Variants in PXDNL observed in about 807,000 individuals in gnomAD.
The protein encoded by PXDNL is peroxidasin like.
A neutral mutation model predicts 150.8 loss-of-function variants in PXDNL; 145 were observed. That is an observed-to-expected ratio of 0.96 (90% CI 0.84 to 1.10). The LOEUF (loss-of-function observed/expected upper bound fraction) is 1.10, where lower values mean the gene tolerates loss of function less well. Ranked by LOEUF, PXDNL falls within the 50% of genes least tolerant of loss-of-function variation. The probability of loss-of-function intolerance (pLI) is 0.00; values close to 1 mark genes in which losing one functional copy is unlikely to be tolerated. For missense variants in PXDNL, 2,087 were observed against 1,873.9 expected, an observed-to-expected ratio of 1.11 and a Z score of -2.10; for synonymous variants, 757 against 725.7, an observed-to-expected ratio of 1.04 and a Z score of -0.69.
At position 51,665,229 on chromosome 8, in the gene PXDNL, A is replaced by G. The variant is rs149354256; in HGVS notation, c.165-10469T>C. 2.0e-5 allele frequency among the ~76,000 whole-genome samples: 3 copies of G among 152,294 alleles called. No homozygotes were observed. The East Asian group carries it at 5.8e-4, about 29-fold the overall frequency. ...GGAGGCAGTTAGCGCAGTGGTTGGG[A>G]GTCCAGGCTTCAGCCAGGAAAGCGA... is the stretch of plus-strand genomic sequence containing the variant. On this transcript the variant is annotated intron_variant, in intron 1 of 22. Coordinates refer to ENST00000356297, the MANE Select transcript of PXDNL (RefSeq NM_144651.5).
intron 1 of PXDNL, among the ~76,000 whole-genome samples, chr8:51,699,353 T>G (rs1816204686): frequency 6.6e-6 from 1 of 152,182 alleles, no homozygotes; most frequent in African/African-American, 2.4e-5. Flanking sequence ...TGAACCAATC[T>G]CTACTAGCTT....
intron 1 of PXDNL, among the ~76,000 whole-genome samples, chr8:51,720,217 A>G (rs1253769930): frequency 6.6e-6 from 1 of 151,374 alleles, no homozygotes; most frequent in East Asian, 1.9e-4. Context: ...AGACTTCCTA[A>G]GTTTGGGGGA....
At position 51,559,042 on chromosome 8, in the gene PXDNL, A is replaced by G. The variant is rs1396798040; in HGVS notation, c.309-2131T>C. On this transcript the variant is annotated intron_variant, in intron 3 of 22. Coordinates refer to ENST00000356297, the MANE Select transcript of PXDNL (RefSeq NM_144651.5). ...GTTGATTGGCTGGAATAAGGGGGAT[A>G]TTATTTGGATGTGGAAACCGCATTC... 5.9e-5 allele frequency among the ~76,000 whole-genome samples: 9 copies of G among 151,942 alleles called. No homozygotes were observed. The East Asian group carries it at 1.4e-3, about 23-fold the overall frequency.
chr8:51,477,695 T>C (rs1018237446), intron 6 of PXDNL, among the ~76,000 whole-genome samples: 3 of 152,204 alleles, frequency 2.0e-5, no homozygotes, highest in African/African-American at 7.2e-5. Flanking sequence ...GACTTGAACA[T>C]AAGCAAGGAT....
At chr8:51,386,492 CAG>C (rs1807716043) in intron 17 of PXDNL, among the ~76,000 whole-genome samples, 2 of 151,616 alleles carry the variant, frequency 1.3e-5, no homozygotes, top group South Asian at 4.2e-4. Context: ...AAGATAGATA[CAG>C]AGAGATGACA....
intron 1 of PXDNL, among the ~76,000 whole-genome samples, chr8:51,675,490 T>C (rs535721474): frequency 1.3e-5 from 2 of 152,136 alleles, no homozygotes; most frequent in African/African-American, 4.8e-5. Flanking sequence ...TAAATTTCTG[T>C]CCTGTAGAAA....
At chr8:51,552,194 T>C (rs1812503292) in intron 4 of PXDNL, among the ~76,000 whole-genome samples, 1 of 152,120 alleles carries the variant, frequency 6.6e-6, no homozygotes, top group Admixed American at 6.6e-5. Context: ...GATGTTGGTG[T>C]GGATGTGGTT....
At chr8:51,468,379 T>C (rs1029166674) in intron 8 of PXDNL, among the ~76,000 whole-genome samples, 2 of 151,986 alleles carry the variant, frequency 1.3e-5, no homozygotes, top group Non-Finnish European at 1.5e-5. Flanking sequence ...TTAAGTATGA[T>C]CTAATGATTT....
At chr8:51,800,655 C>A (rs1207019886) in intron 1 of PXDNL, among the ~76,000 whole-genome samples, 1 of 152,222 alleles carries the variant, frequency 6.6e-6, no homozygotes, top group Non-Finnish European at 1.5e-5. Context: ...GGACACATAT[C>A]AGTTCCCAAA....
intron 1 of PXDNL, among the ~76,000 whole-genome samples, chr8:51,761,025 ATTTT>A (rs71237238): frequency 0.12 from 13,831 of 114,404 alleles, 844 homozygotes; most frequent in Middle Eastern, 0.17. Flanking sequence ...CGCCCGGCTA[ATTTT>A]TTTTTTTTTT....
At chr8:51,768,575 T>A (rs1380750331) in intron 1 of PXDNL, among the ~76,000 whole-genome samples, 1 of 152,198 alleles carries the variant, frequency 6.6e-6, no homozygotes, top group Non-Finnish European at 1.5e-5. Flanking sequence ...AATTTTCAGA[T>A]AATTATATTA....
intron 19 of PXDNL, among the ~76,000 whole-genome samples, chr8:51,350,266 G>A (rs1398556067): frequency 1.3e-5 from 2 of 151,936 alleles, no homozygotes; most frequent in African/African-American, 4.8e-5. Flanking sequence ...ATAGGGCCCA[G>A]GGGATTGGTC....
At chr8:51,554,032 C>T (rs1812550149) in intron 4 of PXDNL, among the ~76,000 whole-genome samples, 1 of 152,056 alleles carries the variant, frequency 6.6e-6, no homozygotes, top group Non-Finnish European at 1.5e-5. Flanking sequence ...GACTATTTAC[C>T]ATTCTGTGAA....
At chr8:51,716,175 C>G (rs1269147845) in intron 1 of PXDNL, among the ~76,000 whole-genome samples, 1 of 152,174 alleles carries the variant, frequency 6.6e-6, no homozygotes, top group Non-Finnish European at 1.5e-5. Context: ...CATGTGGGTG[C>G]CTGCTTTCAA....
In PXDNL at chr8:51,499,679, T is replaced by C. The variant is rs188570226; in HGVS notation, c.452+20A>G. On this transcript the variant is annotated intron_variant, in intron 5 of 22. Coordinates refer to ENST00000356297, the MANE Select transcript of PXDNL (RefSeq NM_144651.5). ...AAATGTAAAGCAGAAGCAAAGGACA[T>C]CTAAAGGGTCAACACTTACAGTCGC... The C allele has an allele frequency of 5.1e-4, 806 of 1,567,320 alleles. 8 individuals are homozygous for C. Among genetic ancestry groups the C allele is most frequent in the Non-Finnish European group, 4.5e-5 (51 of 1,137,716 alleles).
At chr8:51,526,669 G>A (rs1194884049) in intron 4 of PXDNL, among the ~76,000 whole-genome samples, 2 of 152,130 alleles carry the variant, frequency 1.3e-5, no homozygotes, top group African/African-American at 4.8e-5. Flanking sequence ...GATCGAATAT[G>A]TTCTTTCCTA....
chr8:51,486,773 T>C (rs1226909089), intron 5 of PXDNL, among the ~76,000 whole-genome samples: 4 of 9,474 alleles, frequency 4.2e-4, no homozygotes, highest in African/African-American at 9.0e-4. Context: ...TATATATATA[T>C]ATATATATAT....
Position 51,553,388 on chromosome 8 carries a change from G to T in PXDNL, c.380+3452C>A, listed in dbSNP as rs139227106. On this transcript the variant is annotated intron_variant, in intron 4 of 22. Coordinates refer to ENST00000356297, the MANE Select transcript of PXDNL (RefSeq NM_144651.5). Reference sequence around the variant, plus strand: ...TGAAAAGGCACTGCCTGGGGCCTCAGGCTGTCCAAAACATCCTTTGAAATC... The same window carrying T: ...TGAAAAGGCACTGCCTGGGGCCTCATGCTGTCCAAAACATCCTTTGAAATC... 1.5e-3 allele frequency among the ~76,000 whole-genome samples: 222 copies of T among 152,296 alleles called. 1 individual carries two copies. The highest frequency in any genetic ancestry group is 5.1e-3 in the African/African-American group (210 of 41,558).
chr8:51,354,570 T>C (rs1164980416), intron 19 of PXDNL, among the ~76,000 whole-genome samples: 3 of 152,052 alleles, frequency 2.0e-5, no homozygotes, highest in African/African-American at 7.2e-5. Context: ...AGTTCTCATG[T>C]TTACTAAAAG....
Sources: allele counts gnomAD v4.1 joint callset (sites outside exome capture counted in the v4.1 genomes callset), GRCh38; gene constraint gnomAD v4.1.1; transcripts MANE v1.5; gene names NCBI Gene and HGNC (gene_info 2026-07-23, HGNC 2026-07-21).